The following ENO1 variants were observed in gnomAD, a reference collection of about 807,000 sequenced individuals.
ENO1 encodes the protein alpha-enolase.
In ENO1, 33 loss-of-function variants were observed where a neutral mutation model predicts 46.3. That is an observed-to-expected ratio of 0.71 (90% CI 0.54 to 0.95). The LOEUF is 0.95. Among genes scored for constraint, ENO1 ranks in the 40% least tolerant of loss-of-function variants. The pLI is 0.00. For synonymous variants in ENO1, 220 were observed against 216.0 expected (o/e 1.02, Z -0.16); for missense variants, 488 against 553.3 (o/e 0.88, Z 1.18).
rs932697575 is a variant in ENO1 at position 8,863,932 on chromosome 1, G to A, written c.1026C>T (p.Leu342=). ...TCACGGAGCCAATCTGGTTGACTTT[G>A]AGCAGGAGGCAGTTGCAGGACTTCT... ...VNEKSCNCLL[L]KVNQIGSVTE... is the part of the protein sequence containing the mutation. The change falls in exon 9 of 12, where the codon CTC becomes CTT. Residue 342 remains leucine (L), a synonymous_variant. Transcript: ENST00000234590. The A allele has an allele frequency of 1.2e-6, 2 of 1,613,900 alleles. No individual in the cohort carries two copies. The highest frequency in any genetic ancestry group is 1.7e-6 in the Non-Finnish European group (2 of 1,180,000).
At chr1:8,866,887 C>T (rs1396077202) in intron 6 of ENO1, among the ~76,000 whole-genome samples, 4 of 152,156 alleles carry the variant, frequency 2.6e-5, no homozygotes, top group African/African-American at 7.2e-5. Context: ...ATGCTCACAG[C>T]CTAGCAAGGA....
At position 8,866,167 on chromosome 1, in the gene ENO1, A is replaced by G. The variant is rs1268804008; in HGVS notation, c.667+112T>C. ...CCGTTTGAAGGGTCTTGATCTTTAC[A>G]AACTACAGGTGGAAAGAATAGATTT... On this transcript the variant is annotated intron_variant, in intron 7 of 11. Coordinates refer to ENST00000234590, the MANE Select transcript of ENO1 (RefSeq NM_001428.5). 29 of 905,410 alleles carry G rather than the reference A, an allele frequency of 3.2e-5. No individual in the cohort carries two copies. In the East Asian group the frequency reaches 5.7e-4, roughly 18 times the overall value. The allele number at this position is 905,410 out of a possible 1,614,324, so 56.1% of individuals were successfully genotyped here.
chr1:8,865,323 A>T lies in ENO1; in HGVS notation c.827T>A (p.Leu276Gln). 6.2e-7 allele frequency: 1 copy of T among 1,614,212 alleles called. No homozygotes were observed. The highest frequency in any genetic ancestry group is 8.5e-7 in the Non-Finnish European group (1 of 1,180,040). ...DPSRYISPDQ[L>Q]ADLYKSFIKD... ...GATGAAGGACTTGTACAGGTCAGCC[A>T]GCTGGTCAGGCGAGATGTACCTGCT... is the stretch of plus-strand genomic sequence containing the variant. Residue 276 changes from leucine (L) to glutamine (Q), a missense_variant, in exon 8 of 12, where the codon CTG (leucine) becomes CAG (glutamine). Coordinates refer to ENST00000234590, the MANE Select transcript of ENO1 (RefSeq NM_001428.5).
rs1313236965 is a variant in ENO1 at position 8,876,663 on chromosome 1, CGAG to C, written c.-9-1749_-9-1747del. Among the ~76,000 whole-genome samples, 4 of 151,858 alleles carry C rather than the reference CGAG, an allele frequency of 2.6e-5. No individual in the cohort carries two copies. The East Asian group carries it at 5.8e-4, about 22-fold the overall frequency. Reference sequence around the variant, plus strand: ...CTGTAATCCCAGCACTTTGGGAGGCCGAGGAGGGTGGATCACGAGGTCAGGAGA... The same window carrying C: ...CTGTAATCCCAGCACTTTGGGAGGCCGAGGGTGGATCACGAGGTCAGGAGA... On this transcript the variant is annotated intron_variant, in intron 1 of 11. Transcript: ENST00000234590.
At chr1:8,862,810 G>A in intron 11 of ENO1, 77 bp downstream of exon 11, 1 of 1,509,764 alleles carries the variant, frequency 6.6e-7, no homozygotes, top group Non-Finnish European at 9.1e-7. Context: ...AGCTCCTGGG[G>A]GAGGGCAGTG....
chr1:8,866,030 G>GA, intron 7 of ENO1: 1 of 420,112 alleles, frequency 2.4e-6, no homozygotes, highest in South Asian at 2.9e-5. Context: ...GTAGTGAGCC[G>GA]AGATTGCGCC....
chr1:8,874,754 G>C, intron 2 of ENO1, 70 bp downstream of exon 2: 1 of 1,389,572 alleles, frequency 7.2e-7, no homozygotes, highest in East Asian at 2.3e-5. Flanking sequence ...TAAGGCTCCA[G>C]CATTTGTAGA....
At position 8,878,662 on chromosome 1, in the gene ENO1, C is replaced by T. The variant is rs1253329084; in HGVS notation, c.-92G>A. On this transcript the variant is annotated 5_prime_UTR_variant, in exon 1 of 12. Coordinates refer to ENST00000234590, the MANE Select transcript of ENO1 (RefSeq NM_001428.5). Reference sequence around the variant, plus strand: ...GTGAACGTAAAGCCGGCGAGATCTCCGTGCTCCGGGTACCCACAGATACTG... The same window carrying T: ...GTGAACGTAAAGCCGGCGAGATCTCTGTGCTCCGGGTACCCACAGATACTG... 4.4e-6 allele frequency: 2 copies of T among 455,988 alleles called. No homozygotes were observed. The highest frequency in any genetic ancestry group is 2.0e-5 in the African/African-American group (1 of 50,088). 28.2% of individuals were successfully genotyped at this position (455,988 alleles called of 1,614,324 possible). A position where few individuals can be genotyped will look rare whatever the true frequency, so the allele number is the denominator to read the frequency against.
intron 2 of ENO1, among the ~76,000 whole-genome samples, chr1:8,873,233 G>T (rs766585351): frequency 1.3e-5 from 2 of 152,202 alleles, no homozygotes; most frequent in Non-Finnish European, 2.9e-5. Context: ...CTGACAATGG[G>T]GGGGCTGCGC....
At chr1:8,863,152 G>C (rs998979483) in intron 10 of ENO1, 83 bp downstream of exon 10, 1 of 1,512,798 alleles carries the variant, frequency 6.6e-7, no homozygotes, top group Non-Finnish European at 9.0e-7. Context: ...GAGCAAAACG[G>C]GGACAGACAT....
At chr1:8,877,093 G>A (rs1017339871) in intron 1 of ENO1, among the ~76,000 whole-genome samples, 14 of 152,098 alleles carry the variant, frequency 9.2e-5, no homozygotes, top group African/African-American at 3.4e-4. Context: ...GAGTAGCTGG[G>A]ACTACAGGCG....
chr1:8,871,079 C>T, intron 3 of ENO1: 2 of 1,223,322 alleles, frequency 1.6e-6, no homozygotes, highest in Non-Finnish European at 2.0e-6. Context: ...CCTGCTCCGG[C>T]TAAGTCCCCA....
chr1:8,866,243 G>C (rs761097346), intron 7 of ENO1, 36 bp downstream of exon 7: 1 of 1,603,820 alleles, frequency 6.2e-7, no homozygotes, highest in South Asian at 1.1e-5. Flanking sequence ...TGGCGCTGCA[G>C]GGCTGGGTGG....
At position 8,861,405 on chromosome 1, in the gene ENO1, C is replaced by T. The variant is rs1642399257; in HGVS notation, c.1260G>A (p.Lys420=). The T allele has an allele frequency of 6.2e-7, 1 of 1,614,132 alleles. No homozygotes were observed. The highest frequency in any genetic ancestry group is 1.1e-5 in the South Asian group (1 of 91,084). Reference sequence around the variant, plus strand: ...TGAAGTTCCTGCCGGCAAACTTAGCCTTGCTGCCCAGCTCCTCTTCAATTC... The same window carrying T: ...TGAAGTTCCTGCCGGCAAACTTAGCTTTGCTGCCCAGCTCCTCTTCAATTC... ...LLRIEEELGS[K]AKFAGRNFRN... is the part of the protein sequence containing the mutation. Residue 420 remains lysine (K), a synonymous_variant, in exon 12 of 12, where the codon AAG becomes AAA. Coordinates refer to ENST00000234590, the MANE Select transcript of ENO1 (RefSeq NM_001428.5).
intron 1 of ENO1, among the ~76,000 whole-genome samples, chr1:8,876,867 G>A (rs1189380443): frequency 6.6e-6 from 1 of 151,472 alleles, no homozygotes; most frequent in East Asian, 1.9e-4. Context: ...TTTTTGAGAC[G>A]GAGTTTCGCT....
chr1:8,863,685 T>G lies in ENO1; in HGVS notation c.1067+206A>C, dbSNP rs547676465. 7.9e-5 allele frequency among the ~76,000 whole-genome samples: 12 copies of G among 152,318 alleles called. 1 individual carries two copies. In the South Asian group the frequency reaches 2.5e-3, roughly 32 times the overall value. On this transcript the variant is annotated intron_variant, in intron 9 of 11. Transcript: ENST00000234590. ...TTGAGCTCCCGAGCTCAAGTGATCC[T>G]CCTGCCTTGGCCTCCCAAAATGTTG...
rs765187488 is a variant in ENO1 at position 8,862,876 on chromosome 1, GC to G, written c.1235+10del. The G allele has an allele frequency of 6.2e-7, 1 of 1,613,554 alleles. No individual in the cohort carries two copies. Among genetic ancestry groups the G allele is most frequent in the South Asian group, 1.1e-5 (1 of 91,030 alleles). Reference sequence around the variant, plus strand: ...AACCACAGGCCCCTTGTTCTCAGGAGCCCTCCTTACCTGAGGAGCTGGTTGT... The same window carrying G: ...AACCACAGGCCCCTTGTTCTCAGGAGCCTCCTTACCTGAGGAGCTGGTTGT... On this transcript the variant is annotated intron_variant, in intron 11 of 11. Coordinates refer to ENST00000234590, the MANE Select transcript of ENO1 (RefSeq NM_001428.5).
In ENO1 at chr1:8,865,352, G is replaced by T; in HGVS notation, c.798C>A (p.Asp266Glu). ...KYDLDFKSPD[D>E]PSRYISPDQL... Reference sequence around the variant, plus strand: ...GGTCAGGCGAGATGTACCTGCTGGGGTCATCGGGAGACTTGAAGTCCAGGT... The same window carrying T: ...GGTCAGGCGAGATGTACCTGCTGGGTTCATCGGGAGACTTGAAGTCCAGGT... The change falls in exon 8 of 12, where the codon GAC (aspartate) becomes GAA (glutamate). Residue 266 changes from aspartate (D) to glutamate (E), a missense_variant. Coordinates refer to ENST00000234590, the MANE Select transcript of ENO1 (RefSeq NM_001428.5). 6.2e-7 allele frequency: 1 copy of T among 1,614,218 alleles called. No individual in the cohort carries two copies. The highest frequency in any genetic ancestry group is 8.5e-7 in the Non-Finnish European group (1 of 1,180,044).
chr1:8,866,635 G>A (rs1642525649), intron 6 of ENO1, 134 bp from the exon 7 acceptor site: 2 of 900,394 alleles, frequency 2.2e-6, no homozygotes, highest in Non-Finnish European at 3.4e-6. Context: ...GCACCAGAGG[G>A]GCCAGGGTGC....
Sources: allele counts gnomAD v4.1 joint callset (sites outside exome capture counted in the v4.1 genomes callset), GRCh38; gene constraint gnomAD v4.1.1; transcripts MANE v1.5; gene names NCBI Gene and HGNC (gene_info 2026-07-23, HGNC 2026-07-21).